ARHGAP32: variants seen among roughly 807,000 people sequenced by gnomAD.
ARHGAP32 encodes rho GTPase-activating protein 32.
A neutral mutation model predicts 186.5 loss-of-function variants in ARHGAP32; 51 were observed. That is an observed-to-expected ratio of 0.27 (90% CI 0.22 to 0.35). ARHGAP32 has a LOEUF of 0.35. Ranked by LOEUF, ARHGAP32 falls within the 10% of genes least tolerant of loss-of-function variation. The pLI, the probability that ARHGAP32 is intolerant of heterozygous loss-of-function variation, is 1.00. For synonymous variants in ARHGAP32, 950 were observed against 964.3 expected (o/e 0.99, Z 0.27); for missense variants, 2,186 against 2,623.5 (o/e 0.83, Z 3.64).
At chr11:129,052,948 G>A (rs1940112715) in intron 10 of ARHGAP32, among the ~76,000 whole-genome samples, 1 of 151,944 alleles carries the variant, frequency 6.6e-6, no homozygotes, top group African/African-American at 2.4e-5. Flanking sequence ...GGGTATTAGG[G>A]TTTAATAAGA....
intron 10 of ARHGAP32, among the ~76,000 whole-genome samples, chr11:129,056,549 A>G (rs1038057782): frequency 6.6e-6 from 1 of 152,138 alleles, no homozygotes; most frequent in Non-Finnish European, 1.5e-5. Context: ...ATCCAGCTCT[A>G]TTTTTAAAAT....
rs78856194 is a variant in ARHGAP32 at position 128,969,510 on chromosome 11, C to T, written c.5703G>A (p.Gln1901=). ...GGGGCCCATTCTTTGACTCACAGAA[C>T]TGCCTATGGCTTGCTTCTTGGTGTG... is the stretch of plus-strand genomic sequence containing the variant. The part of the protein sequence containing the change: ...HRAHQEASHR[Q]FCESKNGPPY... Residue 1901 remains glutamine (Q), a synonymous_variant, in exon 23 of 23, where the codon CAG becomes CAA. Transcript: ENST00000682385. The surrounding 1 kb of genome is among the most constrained non-coding windows in gnomAD (Gnocchi z 4.8). 0.042 allele frequency: 67,606 copies of T among 1,614,168 alleles called. 1,712 individuals carry two copies. The highest frequency in any genetic ancestry group is 0.048 in the Non-Finnish European group (56,564 of 1,180,024).
chr11:129,137,044 A>G (rs1274941548), intron 2 of ARHGAP32, among the ~76,000 whole-genome samples: 2 of 152,010 alleles, frequency 1.3e-5, no homozygotes, highest in Non-Finnish European at 2.9e-5. Flanking sequence ...AGTTTAATAC[A>G]CTATATTGCA....
intron 12 of ARHGAP32, among the ~76,000 whole-genome samples, chr11:128,993,787 G>A (rs1302841816): frequency 6.6e-6 from 1 of 151,454 alleles, no homozygotes; most frequent in Non-Finnish European, 1.5e-5. Context: ...GACCTCCTGG[G>A]CTCATGAGAT....
intron 1 of ARHGAP32, among the ~76,000 whole-genome samples, chr11:129,215,231 T>C (rs1944630218): frequency 6.6e-6 from 1 of 152,132 alleles, no homozygotes; most frequent in African/African-American, 2.4e-5. Flanking sequence ...TTCCTTATGA[T>C]TTGGTTAGGA....
chr11:128,987,081 T>C (rs1945895140), intron 13 of ARHGAP32, among the ~76,000 whole-genome samples: 1 of 152,180 alleles, frequency 6.6e-6, no homozygotes, highest in Non-Finnish European at 1.5e-5. Context: ...CAGATACAGA[T>C]TGTACAACAC....
chr11:129,244,972 C>G (rs1193385989), intron 1 of ARHGAP32, among the ~76,000 whole-genome samples: 6 of 151,818 alleles, frequency 4.0e-5, no homozygotes, highest in East Asian at 3.9e-4. Context: ...AGGATGTGGA[C>G]AAATAGGAAC....
At chr11:129,030,785 T>C (rs1255001564) in intron 11 of ARHGAP32, among the ~76,000 whole-genome samples, 1 of 152,176 alleles carries the variant, frequency 6.6e-6, no homozygotes, top group African/African-American at 2.4e-5. Context: ...CATGTTCAAT[T>C]GTAATCCCCA....
intron 12 of ARHGAP32, among the ~76,000 whole-genome samples, chr11:128,995,614 G>A (rs1237291994): frequency 6.6e-6 from 1 of 152,244 alleles, no homozygotes; most frequent in Non-Finnish European, 1.5e-5. Context: ...CAAGGTGGGT[G>A]GATTGCTTGA....
chr11:129,000,386 T>C (rs1225868080), intron 11 of ARHGAP32, among the ~76,000 whole-genome samples: 2 of 152,192 alleles, frequency 1.3e-5, no homozygotes, highest in African/African-American at 4.8e-5. Flanking sequence ...AGCTCAAAGA[T>C]TAGCTGTTAG....
chr11:129,278,720 G>A (rs936381115), intron 1 of ARHGAP32, among the ~76,000 whole-genome samples: 1 of 151,636 alleles, frequency 6.6e-6, no homozygotes, highest in Admixed American at 6.5e-5. Flanking sequence ...CCTGGGGGCG[G>A]GACCCGCGAT....
chr11:129,161,366 G>A (rs1943526328), intron 2 of ARHGAP32, among the ~76,000 whole-genome samples: 1 of 151,980 alleles, frequency 6.6e-6, no homozygotes, highest in African/African-American at 2.4e-5. Context: ...AGAGTGAACA[G>A]GCAACCTACA....
chr11:129,041,415 TATGGGTTTTTTAAATC>T (rs1939587310), intron 10 of ARHGAP32, among the ~76,000 whole-genome samples: 2 of 151,846 alleles, frequency 1.3e-5, no homozygotes. Flanking sequence ...TTGACTTCTC[TATGGGTTTTTTAAATC>T]AACACTAAGC....
intron 1 of ARHGAP32, among the ~76,000 whole-genome samples, chr11:129,271,819 T>C (rs142579957): frequency 3.2e-4 from 48 of 152,194 alleles, no homozygotes; most frequent in African/African-American, 8.9e-4. Flanking sequence ...GATACAAACA[T>C]TGAACTGACC....
intron 11 of ARHGAP32, among the ~76,000 whole-genome samples, chr11:129,029,322 G>A (rs191674799): frequency 6.6e-6 from 1 of 152,182 alleles, no homozygotes; most frequent in Non-Finnish European, 1.5e-5. Context: ...GCAGAATTCT[G>A]GGTTTTGCAT....
chr11:129,099,709 G>T (rs1941836019), intron 5 of ARHGAP32, among the ~76,000 whole-genome samples: 1 of 152,146 alleles, frequency 6.6e-6, no homozygotes, highest in Non-Finnish European at 1.5e-5. Context: ...AATAGTATAT[G>T]ATAATAGAAG....
chr11:129,140,779 C>T (rs1179932176), intron 2 of ARHGAP32, among the ~76,000 whole-genome samples: 1 of 152,196 alleles, frequency 6.6e-6, no homozygotes, highest in Non-Finnish European at 1.5e-5. Context: ...AACCAGCTCT[C>T]CTATCTCCCT....
At chr11:128,978,022 C>T (rs907449690) in intron 19 of ARHGAP32, among the ~76,000 whole-genome samples, 1 of 151,832 alleles carries the variant, frequency 6.6e-6, no homozygotes, top group Non-Finnish European at 1.5e-5. Flanking sequence ...TAGCCTAAAC[C>T]ACTATTTCAA....
chr11:129,061,923 T>A (rs921900047), intron 10 of ARHGAP32, among the ~76,000 whole-genome samples: 1 of 152,136 alleles, frequency 6.6e-6, no homozygotes, highest in Non-Finnish European at 1.5e-5. Context: ...TAGAGAAATA[T>A]TAATCAAACT....
Sources: gnomAD v4.1 joint callset for allele counts (sites outside exome capture counted in the v4.1 genomes callset) on GRCh38, gnomAD v4.1.1 for gene constraint, Gnocchi (gnomAD v3.1) non-coding constraint, MANE v1.5 for transcripts, NCBI Gene and HGNC (gene_info 2026-07-23, HGNC 2026-07-21) for gene names.